EVC: variants seen among roughly 807,000 people sequenced by gnomAD.
EVC encodes evC complex member EVC.
Under a neutral mutation model 118.9 loss-of-function variants are expected in EVC, and 116 were observed. The observed-to-expected ratio is 0.98, with a 90% CI of 0.84 to 1.14. EVC has a LOEUF of 1.14. Ranked by LOEUF, EVC falls within the 50% of genes most tolerant of loss-of-function variation. The pLI, the probability that EVC is intolerant of heterozygous loss-of-function variation, is 0.00. For synonymous variants in EVC, 619 were observed against 534.7 expected, an observed-to-expected ratio of 1.16 and a Z score of -2.18; for missense variants, 1,401 against 1,246.4, an observed-to-expected ratio of 1.12 and a Z score of -1.87.
In EVC at chr4:5,731,732, G is replaced by A. The variant is rs1726860603; in HGVS notation, c.617+75G>A. On this transcript the variant is annotated intron_variant, in intron 4 of 20. Coordinates refer to ENST00000264956, the MANE Select transcript of EVC (RefSeq NM_153717.3). The surrounding 1 kb of genome is among the most constrained non-coding windows in gnomAD (Gnocchi z 5.6). ...GGCCGGGAGTCACATCATTGTCAGA[G>A]GAGGAAACAGAGGCCCAGAGAGGTT... The A allele has an allele frequency of 3.5e-6, 5 of 1,411,498 alleles. No homozygotes were observed. Among genetic ancestry groups the A allele is most frequent in the East Asian group, 4.9e-5 (2 of 40,664 alleles). 87.4% of individuals were successfully genotyped at this position (1,411,498 alleles called of 1,614,324 possible). A position where few individuals can be genotyped will look rare whatever the true frequency, so the allele number is the denominator to read the frequency against.
intron 5 of EVC, among the ~76,000 whole-genome samples, chr4:5,739,899 CA>C (rs11343689): frequency 0.43 from 51,836 of 120,128 alleles, 9,351 homozygotes; most frequent in Admixed American, 0.56. Context: ...AACCCCATCT[CA>C]AAAAAAAAAA....
intron 15 of EVC, among the ~76,000 whole-genome samples, chr4:5,800,364 A>C (rs1026842636): frequency 1.3e-5 from 2 of 152,116 alleles, no homozygotes; most frequent in African/African-American, 4.8e-5. Context: ...CAAACAAACA[A>C]AAAACAGAAA....
chr4:5,717,202 A>T (rs141253357), intron 1 of EVC, among the ~76,000 whole-genome samples: 125 of 151,956 alleles, frequency 8.2e-4, no homozygotes, highest in African/African-American at 2.8e-3. Context: ...TCAACTTTAT[A>T]CTTGTATTGA....
the EVC span, chr4:5,824,333 C>T: frequency 1.0e-6 from 1 of 985,388 alleles, no homozygotes; most frequent in Non-Finnish European, 1.2e-6. Context: ...AAATATGAAA[C>T]ACTGGAAGCT....
rs993705299 is a variant in EVC, at chr4:5,813,184, G to C, written c.*2147G>C. The C allele has an allele frequency of 6.6e-5, 10 of 152,180 alleles. No individual in the cohort carries two copies. The highest frequency in any genetic ancestry group is 2.2e-4 in the African/African-American group (9 of 41,452). The allele number at this position is 152,180 out of a possible 1,614,324, so 9.4% of individuals were successfully genotyped here. On this transcript the variant is annotated 3_prime_UTR_variant, in exon 21 of 21. Transcript: ENST00000264956. ...TGGTTATTCCATGGAGTTGTGCAAA[G>C]CTATGGCTTCCTTGGTGCAATATTC...
In EVC at chr4:5,811,214, C is replaced by A; in HGVS notation, c.*177C>A. The A allele has an allele frequency of 1.6e-6, 1 of 613,488 alleles. No individual in the cohort carries two copies. 38.0% of individuals were successfully genotyped at this position (613,488 alleles called of 1,614,324 possible). A position where few individuals can be genotyped will look rare whatever the true frequency, so the allele number is the denominator to read the frequency against. ...CCCTAAAAGCATAAATGAGTATCACCTGAGAAAATTAGGCATTCCCGTCTT... is the reference window on the plus strand; with the variant it reads ...CCCTAAAAGCATAAATGAGTATCACATGAGAAAATTAGGCATTCCCGTCTT... On this transcript the variant is annotated 3_prime_UTR_variant, in exon 21 of 21. Coordinates refer to ENST00000264956, the MANE Select transcript of EVC (RefSeq NM_153717.3).
intron 18 of EVC, among the ~76,000 whole-genome samples, chr4:5,808,609 CAG>C (rs1485104081): frequency 2.0e-5 from 3 of 152,340 alleles, no homozygotes; most frequent in South Asian, 2.1e-4. Context: ...ATGGAGCTGA[CAG>C]AGAATTGAGC....
chr4:5,763,506 C>T lies in EVC; in HGVS notation c.1563+7144C>T, dbSNP rs1389040083. On this transcript the variant is annotated intron_variant, in intron 11 of 20. Coordinates refer to ENST00000264956, the MANE Select transcript of EVC (RefSeq NM_153717.3). ...TTACCTTGGGCAGTATGGCCATTTT[C>T]ACGATATTGATTCTTCCTACCCATG... 2.6e-3 allele frequency among the ~76,000 whole-genome samples: 374 copies of T among 145,474 alleles called. 7 individuals are homozygous for T. The highest frequency in any genetic ancestry group is 9.3e-3 in the African/African-American group (357 of 38,250).
intron 1 of EVC, among the ~76,000 whole-genome samples, chr4:5,714,472 G>A (rs1433477401): frequency 6.7e-6 from 1 of 149,090 alleles, no homozygotes; most frequent in Non-Finnish European, 1.5e-5. Flanking sequence ...TCTAAATAAT[G>A]TGCCTATATT....
chr4:5,731,466 C>G lies in EVC; in HGVS notation c.426C>G (p.Asn142Lys), dbSNP rs954653405. 3 of 1,613,342 alleles carry G rather than the reference C, an allele frequency of 1.9e-6. No homozygotes were observed. The highest frequency in any genetic ancestry group is 2.7e-5 in the African/African-American group (2 of 74,862). ...CCTCCAACCCGTCTCTGCATGAAAA[C>G]TTAAAGCAGGCTGTTTTGCCACACC... ...DGSSNPSLHENLKQAVLPHQP... is the reference protein window; with the variant it reads ...DGSSNPSLHEKLKQAVLPHQP... Residue 142 changes from asparagine (N) to lysine (K), a missense_variant, in exon 4 of 21, where the codon AAC becomes AAG. Asn to Lys is a moderately conservative substitution (Grantham distance 94). Transcript: ENST00000264956. The surrounding 1 kb of genome is among the most constrained non-coding windows in gnomAD (Gnocchi z 5.6).
At chr4:5,794,343 T>TTA (rs1045122246) in intron 13 of EVC, among the ~76,000 whole-genome samples, 2 of 39,364 alleles carry the variant, frequency 5.1e-5, no homozygotes, top group East Asian at 8.8e-4. Flanking sequence ...ATTTATATAC[T>TTA]TATATATATA....
At chr4:5,826,053 C>T in the EVC span, 4 of 289,328 alleles carry the variant, frequency 1.4e-5, no homozygotes, top group African/African-American at 7.0e-5. Flanking sequence ...AAGGCATACT[C>T]ACATATGTAT....
chr4:5,783,772 C>G lies in EVC; in HGVS notation c.1776+8C>G, dbSNP rs761163369. On this transcript the variant is annotated splice_region_variant and intron_variant, in intron 12 of 20. Coordinates refer to ENST00000264956, the MANE Select transcript of EVC (RefSeq NM_153717.3). ...CTAGAGCAAGACCAGCAGGTGCGGG[C>G]ATTTGGGAACCCAGGGGCTGGGGTC... 2 of 1,602,344 alleles carry G rather than the reference C, an allele frequency of 1.2e-6. No individual in the cohort carries two copies. The highest frequency in any genetic ancestry group is 8.5e-7 in the Non-Finnish European group (1 of 1,174,130).
chr4:5,723,252 C>T (rs1193548940), intron 2 of EVC, among the ~76,000 whole-genome samples: 4 of 149,066 alleles, frequency 2.7e-5, no homozygotes, highest in Admixed American at 6.7e-5. Context: ...TGCAGTGGTG[C>T]GATCTCGGCT....
At position 5,756,251 on chromosome 4, in the gene EVC, G is replaced by A. The variant is rs758154730; in HGVS notation, c.1465-13G>A. ...CATGTTTCTACCAGACTCAGCTCTTGTTTTCCTCACAGGCTTTTCATGAGG... is the reference window on the plus strand; with the variant it reads ...CATGTTTCTACCAGACTCAGCTCTTATTTTCCTCACAGGCTTTTCATGAGG... On this transcript the variant is annotated splice_polypyrimidine_tract_variant and intron_variant, in intron 10 of 20. Transcript: ENST00000264956. The surrounding 1 kb of genome is among the most constrained non-coding windows in gnomAD (Gnocchi z 4.2). 6 of 1,593,142 alleles carry A rather than the reference G, an allele frequency of 3.8e-6. No homozygotes were observed. Among genetic ancestry groups the A allele is most frequent in the Middle Eastern group, 1.7e-4 (1 of 6,042 alleles).
chr4:5,723,873 A>G (rs1478098533), intron 2 of EVC, among the ~76,000 whole-genome samples: 2 of 152,048 alleles, frequency 1.3e-5, no homozygotes, highest in Admixed American at 6.6e-5. Context: ...AGCCTTTTCC[A>G]TCTTCCTGCC....
chr4:5,740,843 A>G (rs779976814), intron 5 of EVC, among the ~76,000 whole-genome samples: 1 of 152,238 alleles, frequency 6.6e-6, no homozygotes, highest in African/African-American at 2.4e-5. Flanking sequence ...AAGGTGTTCA[A>G]TGTCATTAAG....
At chr4:5,758,384 C>T in intron 11 of EVC, 1 of 452,614 alleles carries the variant, frequency 2.2e-6, no homozygotes, top group Non-Finnish European at 3.9e-6. Context: ...AGGGCTAGCT[C>T]CTATCTTAAG....
rs1712335163 is a variant in EVC at position 5,789,397 on chromosome 4, C to T, written c.1777-4211C>T. On this transcript the variant is annotated intron_variant, in intron 12 of 20. Coordinates refer to ENST00000264956, the MANE Select transcript of EVC (RefSeq NM_153717.3). This position sits in a 1 kb window ranked among gnomAD's most constrained non-coding sequence, Gnocchi z 4.3. Reference sequence around the variant, plus strand: ...CCTGCTCCTGGTCTTTGCTCCATGTCACCTTCACAGCAAGGCCTACTCTGA... The same window carrying T: ...CCTGCTCCTGGTCTTTGCTCCATGTTACCTTCACAGCAAGGCCTACTCTGA... 6.6e-6 allele frequency among the ~76,000 whole-genome samples: 1 copy of T among 152,186 alleles called. No individual in the cohort carries two copies. Among genetic ancestry groups the T allele is most frequent in the African/African-American group, 2.4e-5 (1 of 41,452 alleles).
Sources: allele counts gnomAD v4.1 joint callset (sites outside exome capture counted in the v4.1 genomes callset), GRCh38; gene constraint gnomAD v4.1.1; non-coding constraint Gnocchi (gnomAD v3.1); transcripts MANE v1.5; gene names NCBI Gene and HGNC (gene_info 2026-07-23, HGNC 2026-07-21).